FAM222B: variants seen among roughly 807,000 people sequenced by gnomAD.
The protein encoded by FAM222B is protein FAM222B.
Under a neutral mutation model 38.0 loss-of-function variants are expected in FAM222B, and 12 were observed. The ratio of observed to expected loss-of-function variants is 0.32; its 90% CI spans 0.20 to 0.51. FAM222B has a LOEUF of 0.51. Among genes scored for constraint, FAM222B ranks in the 20% least tolerant of loss-of-function variants. The pLI, the probability that FAM222B is intolerant of heterozygous loss-of-function variation, is 0.97. For missense variants in FAM222B, 716 were observed against 754.2 expected (o/e 0.95, Z 0.59); for synonymous variants, 329 against 317.2 (o/e 1.04, Z -0.40).
chr17:28,807,630 T>A (rs1032267717), intron 1 of FAM222B, among the ~76,000 whole-genome samples: 2 of 152,138 alleles, frequency 1.3e-5, no homozygotes, highest in Admixed American at 1.3e-4. Context: ...AAGTGATCCG[T>A]CCGCCTCAGC....
chr17:28,759,253 A>G lies in FAM222B; in HGVS notation c.706T>C (p.Ser236Pro). 1 of 1,613,518 alleles carries G rather than the reference A, an allele frequency of 6.2e-7. No homozygotes were observed. The highest frequency in any genetic ancestry group is 2.2e-5 in the East Asian group (1 of 44,852). ...ACGGTCACATTCGGGGGGGCATCTGAGTCTGGCATCTTCCGGCCTCCATGC... is the reference window on the plus strand; with the variant it reads ...ACGGTCACATTCGGGGGGGCATCTGGGTCTGGCATCTTCCGGCCTCCATGC... ...LLHGGRKMPD[S>P]DAPPNVTVST... The change falls in exon 3 of 3, where the codon TCA (serine) becomes CCA (proline). Residue 236 changes from serine (S) to proline (P), a missense_variant. Transcript: ENST00000581407. This position sits in a 1 kb window ranked among gnomAD's most constrained non-coding sequence, Gnocchi z 4.8.
chr17:28,788,534 C>G (rs1428013094), intron 1 of FAM222B, among the ~76,000 whole-genome samples: 3 of 152,050 alleles, frequency 2.0e-5, no homozygotes, highest in Admixed American at 2.0e-4. Flanking sequence ...CCACCGCGTC[C>G]GGCCTCAGTA....
At chr17:28,819,227 C>G (rs1454092963) in intron 1 of FAM222B, among the ~76,000 whole-genome samples, 1 of 152,100 alleles carries the variant, frequency 6.6e-6, no homozygotes, top group Non-Finnish European at 1.5e-5. Flanking sequence ...CAATAGCCTC[C>G]CTTCTCACTT....
chr17:28,795,940 T>G (rs1029553148), intron 1 of FAM222B, among the ~76,000 whole-genome samples: 1 of 152,186 alleles, frequency 6.6e-6, no homozygotes, highest in African/African-American at 2.4e-5. Context: ...AAAAAGCCAT[T>G]AAGACTGCTC....
At chr17:28,784,846 G>A (rs2036330626) in intron 1 of FAM222B, among the ~76,000 whole-genome samples, 1 of 152,004 alleles carries the variant, frequency 6.6e-6, no homozygotes, top group African/African-American at 2.4e-5. Context: ...AACCTCCCGG[G>A]CTCAAGTGAT....
chr17:28,762,955 T>C (rs762995712), intron 2 of FAM222B, among the ~76,000 whole-genome samples: 7 of 149,702 alleles, frequency 4.7e-5, no homozygotes, highest in South Asian at 2.1e-4. Flanking sequence ...AAAAAAAAAG[T>C]TTTCTCAACA....
intron 1 of FAM222B, among the ~76,000 whole-genome samples, chr17:28,807,100 C>G (rs1287608078): frequency 1.3e-5 from 2 of 151,870 alleles, no homozygotes; most frequent in African/African-American, 4.8e-5. Context: ...ACTGCAACCT[C>G]TACCTCCTGG....
chr17:28,775,341 G>A (rs543611526), intron 1 of FAM222B, among the ~76,000 whole-genome samples: 5 of 151,686 alleles, frequency 3.3e-5, no homozygotes, highest in Admixed American at 6.6e-5. Context: ...GCATTTTTCC[G>A]TGGGGAATGG....
intron 1 of FAM222B, among the ~76,000 whole-genome samples, chr17:28,810,337 T>C (rs2037695047): frequency 6.6e-6 from 1 of 152,196 alleles, no homozygotes; most frequent in South Asian, 2.1e-4. Flanking sequence ...ATACCTTAGA[T>C]ATCAAAGTGC....
chr17:28,788,542 G>T (rs531763944), intron 1 of FAM222B, among the ~76,000 whole-genome samples: 2 of 151,208 alleles, frequency 1.3e-5, no homozygotes, highest in African/African-American at 2.4e-5. Flanking sequence ...TCCGGCCTCA[G>T]TATTGTTATT....
chr17:28,791,800 C>A (rs1349179537), intron 1 of FAM222B, among the ~76,000 whole-genome samples: 1 of 150,238 alleles, frequency 6.7e-6, no homozygotes, highest in Admixed American at 6.7e-5. Context: ...GCTGGGATTA[C>A]AGGCACGTGT....
intron 1 of FAM222B, among the ~76,000 whole-genome samples, chr17:28,799,471 TTTG>T (rs1293298310): frequency 1.3e-5 from 2 of 149,296 alleles, no homozygotes; most frequent in East Asian, 2.0e-4. Flanking sequence ...CTAATTTTTT[TTTG>T]TTGTTGTTGT....
intron 1 of FAM222B, among the ~76,000 whole-genome samples, chr17:28,816,503 T>C (rs910818535): frequency 2.6e-5 from 4 of 152,128 alleles, no homozygotes; most frequent in African/African-American, 9.7e-5. Context: ...ACCTCATTAT[T>C]TCTTGAGCAC....
chr17:28,759,295 G>T lies in FAM222B; in HGVS notation c.664C>A (p.Pro222Thr). 6.2e-7 allele frequency: 1 copy of T among 1,612,666 alleles called. No homozygotes were observed. Among genetic ancestry groups the T allele is most frequent in the Non-Finnish European group, 8.5e-7 (1 of 1,179,456 alleles). The change falls in exon 3 of 3, where the codon CCC becomes ACC. Residue 222 changes from proline (P) to threonine (T), a missense_variant. Pro to Thr is a conservative substitution (Grantham distance 38, BLOSUM62 -1). Transcript: ENST00000581407. This position sits in a 1 kb window ranked among gnomAD's most constrained non-coding sequence, Gnocchi z 4.8. ...CCTCCATGCAGCAAGGGATTGTGGG[G>T]GTGCTGGAGACCCTGGTGAGCCAGG... ...QALAHQGLQH[P>T]HNPLLHGGRK...
chr17:28,787,596 T>TA (rs1464034184), intron 1 of FAM222B, among the ~76,000 whole-genome samples: 1 of 152,064 alleles, frequency 6.6e-6, no homozygotes, highest in Non-Finnish European at 1.5e-5. Context: ...ATTGAAAGCT[T>TA]AAAGGAAGAG....
intron 1 of FAM222B, among the ~76,000 whole-genome samples, chr17:28,795,593 A>G (rs910613684): frequency 2.6e-5 from 4 of 152,014 alleles, no homozygotes; most frequent in Admixed American, 6.6e-5. Flanking sequence ...ACACCCAGCT[A>G]ATTTTTTAAA....
chr17:28,822,958 T>C (rs1011936035), intron 1 of FAM222B, among the ~76,000 whole-genome samples: 3 of 127,776 alleles, frequency 2.3e-5, no homozygotes, highest in African/African-American at 9.1e-5. Flanking sequence ...CTCAGGAGGC[T>C]GAGGCAGGAG....
At chr17:28,822,393 G>T (rs1156798873) in intron 1 of FAM222B, among the ~76,000 whole-genome samples, 2 of 150,366 alleles carry the variant, frequency 1.3e-5, no homozygotes, top group Non-Finnish European at 3.0e-5. Flanking sequence ...GAGGCCGAAG[G>T]CAGGTGGATC....
chr17:28,784,993 T>G (rs545470794), intron 1 of FAM222B, among the ~76,000 whole-genome samples: 2 of 152,038 alleles, frequency 1.3e-5, no homozygotes, highest in African/African-American at 4.8e-5. Context: ...TGGACTCAAA[T>G]GATTCTCCCA....
Sources: gnomAD v4.1 joint callset for allele counts (sites outside exome capture counted in the v4.1 genomes callset) on GRCh38, gnomAD v4.1.1 for gene constraint, Gnocchi (gnomAD v3.1) non-coding constraint, MANE v1.5 for transcripts, NCBI Gene and HGNC (gene_info 2026-07-23, HGNC 2026-07-21) for gene names.